The following CNGB3 variants were observed in gnomAD, a reference collection of about 807,000 sequenced individuals.
CNGB3 encodes the protein cyclic nucleotide-gated channel beta-3.
In CNGB3, 86 loss-of-function variants were observed where a neutral mutation model predicts 92.8. The observed-to-expected ratio is 0.93, with a 90% CI of 0.78 to 1.11. The LOEUF (loss-of-function observed/expected upper bound fraction) is 1.11, where lower values mean the gene tolerates loss of function less well. CNGB3 is among the 50% of genes least tolerant of loss of function. The pLI is 0.00. For synonymous variants in CNGB3, 333 were observed against 332.7 expected (o/e 1.00, Z -0.01); for missense variants, 1,026 against 956.8 (o/e 1.07, Z -0.95).
At chr8:86,708,165 T>G (rs972491025) in intron 3 of CNGB3, among the ~76,000 whole-genome samples, 1 of 152,166 alleles carries the variant, frequency 6.6e-6, no homozygotes. Flanking sequence ...CTTACAACCA[T>G]GGGACTGAAT....
At chr8:86,684,364 G>A (rs1326397157) in intron 3 of CNGB3, among the ~76,000 whole-genome samples, 1 of 152,108 alleles carries the variant, frequency 6.6e-6, no homozygotes, top group African/African-American at 2.4e-5. Context: ...GCAAGCCTGG[G>A]AAGAAACTGG....
At chr8:86,739,530 A>C in intron 2 of CNGB3, 125 bp downstream of exon 2, 1 of 1,423,146 alleles carries the variant, frequency 7.0e-7, no homozygotes, top group South Asian at 1.3e-5. Context: ...TCTTCAAATA[A>C]CCTCAGTATG....
At chr8:86,646,332 A>T (rs1823291936) in intron 8 of CNGB3, among the ~76,000 whole-genome samples, 1 of 151,056 alleles carries the variant, frequency 6.6e-6, no homozygotes, top group African/African-American at 2.4e-5. Flanking sequence ...TGGGATAAAG[A>T]ACCTCTGAAG....
rs548817727 is a variant in CNGB3, at chr8:86,644,664, T to C, written c.1013A>G (p.Asn338Ser). The C allele has an allele frequency of 2.6e-5, 42 of 1,589,734 alleles. No individual in the cohort carries two copies. The South Asian group carries it at 4.5e-4, about 17-fold the overall frequency. Residue 338 changes from asparagine to serine, a missense_variant, in exon 9 of 18, where the codon AAT (asparagine) becomes AGT (serine). Coordinates refer to ENST00000320005, the MANE Select transcript of CNGB3 (RefSeq NM_019098.5). ...MLKYTSFFEFNHHLESIMDKA... is the reference protein window; with the variant it reads ...MLKYTSFFEFSHHLESIMDKA... The stretch of plus-strand genomic sequence containing the variant: ...GTCCATTATAGACTCTAGGTGATGA[T>C]TAAATTCAAAAAATGAAGTGTACTA...
In CNGB3 at chr8:86,670,832, G is replaced by C. The variant is rs112256102; in HGVS notation, c.493+112C>G. 1.4e-3 allele frequency: 1,647 copies of C among 1,154,620 alleles called. 26 individuals are homozygous for C. In the African/African-American group the frequency reaches 0.022, roughly 15 times the overall value. 71.5% of individuals were successfully genotyped at this position (1,154,620 alleles called of 1,614,324 possible). A position where few individuals can be genotyped will look rare whatever the true frequency, so the allele number is the denominator to read the frequency against. ...GGATTACTCTCAAAATAAACTGTAC[G>C]TAAATCATTTTCTCAGGGTCTGCTT... On this transcript the variant is annotated intron_variant, in intron 4 of 17. Coordinates refer to ENST00000320005, the MANE Select transcript of CNGB3 (RefSeq NM_019098.5).
Position 86,575,511 on chromosome 8 carries a change from A to G in CNGB3, c.*293T>C, listed in dbSNP as rs141717983. 1.4e-4 allele frequency: 41 copies of G among 288,262 alleles called. 1 individual carries two copies. The East Asian group carries it at 2.5e-3, about 18-fold the overall frequency. 17.9% of individuals were successfully genotyped at this position (288,262 alleles called of 1,614,324 possible). A position where few individuals can be genotyped will look rare whatever the true frequency, so the allele number is the denominator to read the frequency against. On this transcript the variant is annotated 3_prime_UTR_variant, in exon 18 of 18. Coordinates refer to ENST00000320005, the MANE Select transcript of CNGB3 (RefSeq NM_019098.5). ...GAGCAAGCTAATAAAACTGGAAGGAAGAGACATCATCAGGAAAGAACCAAA... is the reference window on the plus strand; with the variant it reads ...GAGCAAGCTAATAAAACTGGAAGGAGGAGACATCATCAGGAAAGAACCAAA...
chr8:86,666,385 G>C (rs1031457754), intron 6 of CNGB3, among the ~76,000 whole-genome samples: 2 of 152,184 alleles, frequency 1.3e-5, no homozygotes, highest in African/African-American at 2.4e-5. Context: ...TTGCTAACCT[G>C]AACCTGCGTG....
At chr8:86,728,449 T>C (rs1825101456) in intron 2 of CNGB3, among the ~76,000 whole-genome samples, 1 of 152,188 alleles carries the variant, frequency 6.6e-6, no homozygotes, top group South Asian at 2.1e-4. Flanking sequence ...TTGGGTCAAG[T>C]CATATTTTTC....
In CNGB3 at chr8:86,709,109, G is replaced by A. The variant is rs182777016; in HGVS notation, c.338+17422C>T. On this transcript the variant is annotated intron_variant, in intron 3 of 17. Transcript: ENST00000320005. The stretch of plus-strand genomic sequence containing the variant: ...ACAAAGAGAACAAGCTAGGTGTTGT[G>A]GGAAAGAAAGGATGCAATTGCCACA... Among the ~76,000 whole-genome samples, 974 of 152,222 alleles carry A rather than the reference G, an allele frequency of 6.4e-3. 7 individuals are homozygous for A. The highest frequency in any genetic ancestry group is 0.02 in the Middle Eastern group (6 of 294).
At chr8:86,714,890 A>C (rs887257029) in intron 3 of CNGB3, among the ~76,000 whole-genome samples, 1 of 152,022 alleles carries the variant, frequency 6.6e-6, no homozygotes, top group Admixed American at 6.6e-5. Context: ...TTCCCTGGCA[A>C]CATGTATGAC....
intron 7 of CNGB3, among the ~76,000 whole-genome samples, chr8:86,648,866 C>T (rs1023631771): frequency 9.2e-5 from 14 of 151,454 alleles, no homozygotes; most frequent in Non-Finnish European, 2.1e-4. Flanking sequence ...ATCAAAATAT[C>T]ACTGTTCGCT....
At chr8:86,706,898 A>C (rs1824661495) in intron 3 of CNGB3, among the ~76,000 whole-genome samples, 1 of 152,234 alleles carries the variant, frequency 6.6e-6, no homozygotes, top group East Asian at 1.9e-4. Flanking sequence ...AATAGCTTAA[A>C]AGTACATTAA....
At position 86,697,868 on chromosome 8, in the gene CNGB3, A is replaced by C. The variant is rs563912202; in HGVS notation, c.339-26770T>G. Among the ~76,000 whole-genome samples, 4 of 141,174 alleles carry C rather than the reference A, an allele frequency of 2.8e-5. No individual in the cohort carries two copies. In the South Asian group the frequency reaches 6.6e-4, roughly 23 times the overall value. 92.6% of individuals were successfully genotyped at this position (141,174 alleles called of 152,430 possible). A position where few individuals can be genotyped will look rare whatever the true frequency, so the allele number is the denominator to read the frequency against. ...CTAGTGTTCTCATTGTTCAGTTCCCACCTATGAGTGAGAACATGTGGTGTT... is the reference window on the plus strand; with the variant it reads ...CTAGTGTTCTCATTGTTCAGTTCCCCCCTATGAGTGAGAACATGTGGTGTT... On this transcript the variant is annotated intron_variant, in intron 3 of 17. Coordinates refer to ENST00000320005, the MANE Select transcript of CNGB3 (RefSeq NM_019098.5).
At chr8:86,592,115 C>A (rs981833863) in intron 15 of CNGB3, among the ~76,000 whole-genome samples, 1 of 151,766 alleles carries the variant, frequency 6.6e-6, no homozygotes, top group Non-Finnish European at 1.5e-5. Context: ...AGGTGCCGTC[C>A]GTCACCCCTT....
intron 15 of CNGB3, chr8:86,593,730 G>A (rs184479615): frequency 0.01 from 9,692 of 958,494 alleles, 80 homozygotes; most frequent in Non-Finnish European, 0.012. Context: ...CAGCAGTGGT[G>A]GGGGTGGAAG....
At chr8:86,628,824 C>G (rs535549474) in intron 12 of CNGB3, 95 bp downstream of exon 12, 106 of 1,350,464 alleles carry the variant, frequency 7.8e-5, no homozygotes, top group Middle Eastern at 1.9e-4. Context: ...GTTTTTCAAC[C>G]TTTTGTTCAA....
At chr8:86,643,349 A>G (rs1396231411) in intron 10 of CNGB3, among the ~76,000 whole-genome samples, 1 of 151,122 alleles carries the variant, frequency 6.6e-6, no homozygotes, top group Non-Finnish European at 1.5e-5. Flanking sequence ...AACTATAGTC[A>G]CCCTACTCTG....
At position 86,658,879 on chromosome 8, in the gene CNGB3, C is replaced by A; in HGVS notation, c.853-4817G>T. On this transcript the variant is annotated intron_variant, in intron 6 of 17. Coordinates refer to ENST00000320005, the MANE Select transcript of CNGB3 (RefSeq NM_019098.5). Reference sequence around the variant, plus strand: ...TCCAGGGTTTGCCTGTGCACCTCCACCTGCTCCTCCCAGAGCTCAGCCTTC... The same window carrying A: ...TCCAGGGTTTGCCTGTGCACCTCCAACTGCTCCTCCCAGAGCTCAGCCTTC... The A allele has an allele frequency of 5.5e-6, 4 of 725,952 alleles. No homozygotes were observed. The South Asian group carries it at 6.4e-5, about 12-fold the overall frequency. The allele number at this position is 725,952 out of a possible 1,614,324, so 45.0% of individuals were successfully genotyped here.
intron 3 of CNGB3, among the ~76,000 whole-genome samples, chr8:86,700,708 G>A (rs1482940081): frequency 1.2e-4 from 18 of 152,054 alleles, no homozygotes; most frequent in South Asian, 6.2e-4. Context: ...GCATGATCTC[G>A]GCTCACTGCA....
Sources: gnomAD v4.1 joint callset for allele counts (sites outside exome capture counted in the v4.1 genomes callset) on GRCh38, gnomAD v4.1.1 for gene constraint, MANE v1.5 for transcripts, NCBI Gene and HGNC (gene_info 2026-07-23, HGNC 2026-07-21) for gene names.